Variants in NEK11 observed in about 807,000 individuals in gnomAD.
NEK11 encodes serine/threonine-protein kinase Nek11.
NEK11 carries 72 observed loss-of-function variants against 80.7 expected under a neutral mutation model. The observed-to-expected ratio is 0.89, with a 90% confidence interval of 0.74 to 1.08. The LOEUF (loss-of-function observed/expected upper bound fraction) is 1.08, where lower values mean the gene tolerates loss of function less well. Ranked by LOEUF, NEK11 falls within the 50% of genes least tolerant of loss-of-function variation. The pLI is 0.00. For synonymous variants in NEK11, 251 were observed against 260.7 expected (o/e 0.96, Z 0.36); for missense variants, 764 against 763.6 (o/e 1.00, Z -0.01).
intron 10 of NEK11, among the ~76,000 whole-genome samples, chr3:131,156,582 G>A (rs2090677584): frequency 6.6e-6 from 1 of 152,024 alleles, no homozygotes; most frequent in Admixed American, 6.6e-5. Flanking sequence ...TCTATTCCAG[G>A]CTTAATACAG....
intron 14 of NEK11, among the ~76,000 whole-genome samples, chr3:131,211,405 T>G (rs1041172619): frequency 5.3e-5 from 8 of 152,214 alleles, no homozygotes; most frequent in Non-Finnish European, 8.8e-5. Context: ...TTAACATTTT[T>G]TCCTTCATTT....
At chr3:131,304,643 T>A (rs2096703134) in intron 17 of NEK11, among the ~76,000 whole-genome samples, 1 of 152,172 alleles carries the variant, frequency 6.6e-6, no homozygotes, top group Admixed American at 6.5e-5. Context: ...TCTGGCTTTG[T>A]TTATGGAATA....
chr3:131,113,756 C>G (rs1325609594), intron 5 of NEK11, among the ~76,000 whole-genome samples: 1 of 151,680 alleles, frequency 6.6e-6, no homozygotes, highest in Non-Finnish European at 1.5e-5. Flanking sequence ...ACTGAAAATA[C>G]AAAAAATTAG....
At chr3:131,027,102 G>A (rs1369624326) in intron 1 of NEK11, 96 bp downstream of exon 1, 1 of 152,292 alleles carries the variant, frequency 6.6e-6, no homozygotes, top group Non-Finnish European at 1.5e-5. Context: ...GAATCTCTAG[G>A]ACGCCATGGC....
chr3:131,230,706 A>T (rs775399545), intron 15 of NEK11, among the ~76,000 whole-genome samples: 1 of 152,132 alleles, frequency 6.6e-6, no homozygotes, highest in Non-Finnish European at 1.5e-5. Flanking sequence ...TATATCTATC[A>T]CATGTTACAT....
intron 17 of NEK11, 152 bp downstream of exon 17, chr3:131,273,726 C>T: frequency 1.7e-6 from 1 of 580,960 alleles, no homozygotes; most frequent in East Asian, 3.0e-5. Flanking sequence ...AAACTTCTCT[C>T]TAAAATTCAC....
chr3:131,097,909 C>T (rs1378047818), intron 4 of NEK11, among the ~76,000 whole-genome samples: 11 of 143,874 alleles, frequency 7.6e-5, no homozygotes, highest in South Asian at 2.2e-4. Flanking sequence ...TCAAACTATA[C>T]TACAAGGCTA....
intron 14 of NEK11, among the ~76,000 whole-genome samples, chr3:131,199,729 G>C (rs1381272468): frequency 2.6e-5 from 4 of 151,964 alleles, no homozygotes; most frequent in African/African-American, 4.8e-5. Context: ...TGATAATGTA[G>C]GCTGGGTAAT....
intron 15 of NEK11, among the ~76,000 whole-genome samples, chr3:131,233,066 A>T (rs945740049): frequency 6.6e-6 from 1 of 151,770 alleles, no homozygotes; most frequent in African/African-American, 2.4e-5. Flanking sequence ...CTGCAGTGCA[A>T]TTCTGATAAA....
At chr3:131,247,965 T>C (rs766333401) in intron 16 of NEK11, among the ~76,000 whole-genome samples, 1 of 152,132 alleles carries the variant, frequency 6.6e-6, no homozygotes, top group African/African-American at 2.4e-5. Context: ...GAAATTTTAC[T>C]TAATTTGTTC....
chr3:131,042,653 C>G (rs2066700879), intron 3 of NEK11, among the ~76,000 whole-genome samples: 1 of 152,208 alleles, frequency 6.6e-6, no homozygotes, highest in Non-Finnish European at 1.5e-5. Context: ...TGGGACAGAG[C>G]ACCTGGGGGA....
chr3:131,053,496 A>T (rs1011724831), intron 3 of NEK11: 18 of 152,238 alleles, frequency 1.2e-4, no homozygotes, highest in African/African-American at 4.1e-4. Context: ...TCCATGTATT[A>T]GATTGATGTT....
chr3:131,343,470 G>A (rs576377620), intron 17 of NEK11, among the ~76,000 whole-genome samples: 1 of 152,326 alleles, frequency 6.6e-6, no homozygotes, highest in South Asian at 2.1e-4. Flanking sequence ...TTTTCCATTT[G>A]AGAAAACAGG....
chr3:131,242,958 C>T (rs1334090429), intron 15 of NEK11, among the ~76,000 whole-genome samples: 2 of 152,082 alleles, frequency 1.3e-5, no homozygotes, highest in Non-Finnish European at 2.9e-5. Context: ...AGATTTAGCA[C>T]TCCTTGAAGA....
intron 14 of NEK11, among the ~76,000 whole-genome samples, chr3:131,196,739 G>T (rs760030561): frequency 1.3e-5 from 2 of 151,932 alleles, no homozygotes; most frequent in Non-Finnish European, 2.9e-5. Context: ...CACCATATTG[G>T]CCAGGCTGGT....
At chr3:131,175,620 G>C (rs963506348) in intron 14 of NEK11, among the ~76,000 whole-genome samples, 1 of 151,986 alleles carries the variant, frequency 6.6e-6, no homozygotes, top group Non-Finnish European at 1.5e-5. Flanking sequence ...ACTCTAAAAG[G>C]GCACATGGAA....
In NEK11 at chr3:131,165,313, G is replaced by C; in HGVS notation, c.1083-113G>C. On this transcript the variant is annotated intron_variant, in intron 11 of 17. Transcript: ENST00000383366. ...GATGAGGAAGAGACCTGATGGCCTG[G>C]CTTTCTAATCCCCCAGTCAGTCTGT... 7.4e-6 allele frequency: 5 copies of C among 672,556 alleles called. No homozygotes were observed. In the South Asian group the frequency reaches 9.8e-5, roughly 13 times the overall value. 41.7% of individuals were successfully genotyped at this position (672,556 alleles called of 1,614,324 possible). A position where few individuals can be genotyped will look rare whatever the true frequency, so the allele number is the denominator to read the frequency against.
At chr3:131,095,583 C>G (rs1300654408) in intron 4 of NEK11, among the ~76,000 whole-genome samples, 1 of 152,012 alleles carries the variant, frequency 6.6e-6, no homozygotes, top group Non-Finnish European at 1.5e-5. Context: ...TCAAGACTAT[C>G]AAGTTTCTGG....
chr3:131,160,850 G>A (rs759205878), intron 10 of NEK11, among the ~76,000 whole-genome samples: 20 of 152,114 alleles, frequency 1.3e-4, no homozygotes, highest in Non-Finnish European at 2.9e-4. Flanking sequence ...ATAGTAAAGG[G>A]TTCAATTCAA....
Sources: allele counts gnomAD v4.1 joint callset (sites outside exome capture counted in the v4.1 genomes callset), GRCh38; gene constraint gnomAD v4.1.1; transcripts MANE v1.5; gene names NCBI Gene and HGNC (gene_info 2026-07-23, HGNC 2026-07-21).